The following ZNF334 variants were observed in gnomAD, a reference collection of about 807,000 sequenced individuals.
ZNF334 encodes the protein zinc finger protein 334.
Under a neutral mutation model 12.4 loss-of-function variants are expected in ZNF334, and 14 were observed. The observed-to-expected ratio is 1.13, with a 90% confidence interval of 0.74 to 1.76. ZNF334 has a LOEUF of 1.76. Among genes scored for constraint, ZNF334 ranks in the 40% most tolerant of loss-of-function variants. The pLI is 0.00. For synonymous variants in ZNF334, 273 were observed against 269.6 expected (o/e 1.01, Z -0.12); for missense variants, 797 against 804.5 (o/e 0.99, Z 0.11).
chr20:46,501,704 T>C lies in ZNF334; in HGVS notation c.1635A>G (p.Glu545=), dbSNP rs747360481. ...HQRTIWERPY[E]CNECGRTYCR... Reference sequence around the variant, plus strand: ...AGTAGGTTCTCCCACATTCATTGCATTCATATGGTCTCTCCCATATAGTTC... The same window carrying C: ...AGTAGGTTCTCCCACATTCATTGCACTCATATGGTCTCTCCCATATAGTTC... The change falls in exon 5 of 5, where the codon GAA becomes GAG. Residue 545 remains glutamate (E), a synonymous_variant. Transcript: ENST00000692313. 5.6e-6 allele frequency: 9 copies of C among 1,613,994 alleles called. No homozygotes were observed. Among genetic ancestry groups the C allele is most frequent in the Middle Eastern group, 1.6e-4 (1 of 6,084 alleles).
the ZNF334 span, among the ~76,000 whole-genome samples, chr20:46,479,310 T>C: frequency 1.3e-5 from 2 of 152,086 alleles, no homozygotes; most frequent in Admixed American, 6.5e-5. Flanking sequence ...AGGATAATTG[T>C]CCCAACTCAG....
chr20:46,471,743 C>T, the ZNF334 span, among the ~76,000 whole-genome samples: 3 of 152,104 alleles, frequency 2.0e-5, no homozygotes, highest in Non-Finnish European at 4.4e-5. Context: ...TTTTCATAAG[C>T]TATATAGGTT....
the ZNF334 span, among the ~76,000 whole-genome samples, chr20:46,473,681 C>T: frequency 6.6e-6 from 1 of 152,190 alleles, no homozygotes; most frequent in Non-Finnish European, 1.5e-5. Context: ...CTCCTAGCTG[C>T]TAAGGATTTA....
In ZNF334 at chr20:46,500,367, C is replaced by T. The variant is rs1412032393; in HGVS notation, c.*929G>A. ...ATATAATGTAATCCTAATCAGCATC[C>T]CAGGCGCCTTTTGTTCTCAGAATTT... On this transcript the variant is annotated 3_prime_UTR_variant, in exon 5 of 5. Coordinates refer to ENST00000692313, the MANE Select transcript of ZNF334 (RefSeq NM_001353824.2). The T allele has an allele frequency of 6.6e-6, 1 of 152,106 alleles. No homozygotes were observed. Among genetic ancestry groups the T allele is most frequent in the African/African-American group, 2.4e-5 (1 of 41,404 alleles). The allele number at this position is 152,106 out of a possible 1,614,324, so 9.4% of individuals were successfully genotyped here.
rs770868406 is a variant in ZNF334, at chr20:46,504,212, A to T, written c.241+2T>A. ...CCACCTGCTCAGTTATCATTTACTT[A>T]CCTGGGTAGTTCTGATTTGAGAATT... On this transcript the variant is annotated splice_donor_variant, in intron 4 of 4. Coordinates refer to ENST00000692313, the MANE Select transcript of ZNF334 (RefSeq NM_001353824.2). LOFTEE classifies it high-confidence loss of function. 6.2e-7 allele frequency: 1 copy of T among 1,603,434 alleles called. No homozygotes were observed. The highest frequency in any genetic ancestry group is 1.7e-5 in the Admixed American group (1 of 58,894).
At chr20:46,481,215 T>A in the ZNF334 span, 1 of 152,142 alleles carries the variant, frequency 6.6e-6, no homozygotes, top group South Asian at 2.1e-4. Flanking sequence ...AAATACCAAT[T>A]TACAGGGCTA....
chr20:46,498,158 CT>C (rs1396195019), downstream of ZNF334, among the ~76,000 whole-genome samples: 1 of 152,196 alleles, frequency 6.6e-6, no homozygotes, highest in Non-Finnish European at 1.5e-5. Context: ...CCACTGCATT[CT>C]TATGGTGGTT....
At chr20:46,503,275 A>C (rs147735697) in intron 4 of ZNF334, among the ~76,000 whole-genome samples, 178 bp from the exon 5 acceptor site, 19 of 152,364 alleles carry the variant, frequency 1.2e-4, no homozygotes, top group Admixed American at 1.2e-3. Context: ...ATACAGAAAC[A>C]AAAAATACAA....
chr20:46,512,054 G>A (rs2061670940), intron 2 of ZNF334, 28 bp downstream of exon 2: 1 of 1,610,856 alleles, frequency 6.2e-7, no homozygotes. Context: ...ACTGTATAAT[G>A]TGAGAAGTAA....
At chr20:46,473,073 C>A in the ZNF334 span, among the ~76,000 whole-genome samples, 2 of 152,092 alleles carry the variant, frequency 1.3e-5, no homozygotes, top group South Asian at 4.2e-4. Context: ...AATTTTAGTA[C>A]CTTTTATTTT....
the ZNF334 span, among the ~76,000 whole-genome samples, chr20:46,475,749 G>T: frequency 2.0e-5 from 3 of 152,124 alleles, no homozygotes; most frequent in Admixed American, 6.5e-5. Context: ...TATCAAAATG[G>T]CTAAAATAAA....
chr20:46,473,823 G>A, the ZNF334 span, among the ~76,000 whole-genome samples: 1 of 152,188 alleles, frequency 6.6e-6, no homozygotes, highest in Non-Finnish European at 1.5e-5. Flanking sequence ...TACTTTATGT[G>A]AGCATGTTTT....
intron 2 of ZNF334, among the ~76,000 whole-genome samples, chr20:46,509,183 T>A (rs547183428): frequency 2.0e-5 from 3 of 152,372 alleles, no homozygotes; most frequent in South Asian, 4.1e-4. Flanking sequence ...ATTACTTTTT[T>A]ATTTTTCCTC....
At position 46,504,122 on chromosome 20, in the gene ZNF334, C is replaced by G. The variant is rs933526854; in HGVS notation, c.241+92G>C. Reference sequence around the variant, plus strand: ...AGGTCTGGGCCAACAAAAAGAAATTCATGAAAAACATTACGATGCCAACTA... The same window carrying G: ...AGGTCTGGGCCAACAAAAAGAAATTGATGAAAAACATTACGATGCCAACTA... On this transcript the variant is annotated intron_variant, in intron 4 of 4. Coordinates refer to ENST00000692313, the MANE Select transcript of ZNF334 (RefSeq NM_001353824.2). 3.5e-6 allele frequency: 3 copies of G among 849,704 alleles called. No individual in the cohort carries two copies. The African/African-American group carries it at 5.2e-5, about 15-fold the overall frequency. The allele number at this position is 849,704 out of a possible 1,614,324, so 52.6% of individuals were successfully genotyped here.
At chr20:46,498,044 T>C (rs890347920), downstream of ZNF334, among the ~76,000 whole-genome samples, 2 of 152,264 alleles carry the variant, frequency 1.3e-5, no homozygotes, top group Non-Finnish European at 2.9e-5. Context: ...GACTACACTT[T>C]ACTCTCGAGC....
At position 46,501,057 on chromosome 20, in the gene ZNF334, T is replaced by G; in HGVS notation, c.*239A>C. On this transcript the variant is annotated 3_prime_UTR_variant, in exon 5 of 5. Transcript: ENST00000692313. Reference sequence around the variant, plus strand: ...TTTTAAAAGGGAGGCACATTTGGCATAACCTTTGAATTGCTGTTGAATATT... The same window carrying G: ...TTTTAAAAGGGAGGCACATTTGGCAGAACCTTTGAATTGCTGTTGAATATT... The G allele has an allele frequency of 2.2e-6, 1 of 464,720 alleles. No homozygotes were observed. Among genetic ancestry groups the G allele is most frequent in the South Asian group, 3.7e-5 (1 of 26,774 alleles). 28.8% of individuals were successfully genotyped at this position (464,720 alleles called of 1,614,324 possible). A position where few individuals can be genotyped will look rare whatever the true frequency, so the allele number is the denominator to read the frequency against.
chr20:46,512,144 G>T lies in ZNF334; in HGVS notation c.-38-4C>A, dbSNP rs568700193. The T allele has an allele frequency of 1.2e-6, 2 of 1,612,312 alleles. No individual in the cohort carries two copies. The highest frequency in any genetic ancestry group is 2.7e-5 in the African/African-American group (2 of 74,978). On this transcript the variant is annotated splice_polypyrimidine_tract_variant and splice_region_variant and intron_variant, in intron 1 of 4. Transcript: ENST00000692313. The stretch of plus-strand genomic sequence containing the variant: ...GCCAAGAGTGTTGAAAGCAGAGCTG[G>T]GTAAGGAAGAATGGCGAATGGAATC...
the ZNF334 span, chr20:46,484,967 C>T: frequency 6.0e-6 from 1 of 166,958 alleles, no homozygotes; most frequent in Non-Finnish European, 1.5e-5. Context: ...CTGTAATAAC[C>T]ACAGCATGGT....
intron 2 of ZNF334, among the ~76,000 whole-genome samples, chr20:46,510,133 A>T (rs1433679417): frequency 6.6e-6 from 1 of 152,186 alleles, no homozygotes; most frequent in African/African-American, 2.4e-5. Flanking sequence ...AGGTCATACC[A>T]AGGATGCTGA....
Sources: allele counts gnomAD v4.1 joint callset (sites outside exome capture counted in the v4.1 genomes callset), GRCh38; gene constraint gnomAD v4.1.1; transcripts MANE v1.5; gene names NCBI Gene and HGNC (gene_info 2026-07-23, HGNC 2026-07-21).